Variants in FNDC7 observed in about 807,000 individuals in gnomAD.
FNDC7 encodes the protein fibronectin type III domain containing 7.
FNDC7 carries 66 observed loss-of-function variants against 74.2 expected under a neutral mutation model. That is an observed-to-expected ratio of 0.89 (90% CI 0.73 to 1.09). The LOEUF is 1.09. FNDC7 is among the 50% of genes least tolerant of loss of function. The pLI is 0.00. For synonymous variants in FNDC7, 307 were observed against 330.2 expected (o/e 0.93, Z 0.76); for missense variants, 829 against 893.4 (o/e 0.93, Z 0.92).
intron 11 of FNDC7, among the ~76,000 whole-genome samples, chr1:108,741,160 C>T (rs1163849808): frequency 6.6e-6 from 1 of 151,808 alleles, no homozygotes; most frequent in Non-Finnish European, 1.5e-5. Flanking sequence ...GGCTTTAATT[C>T]AAGAAAGCTA....
chr1:108,722,809 G>T (rs1661123592), intron 5 of FNDC7, among the ~76,000 whole-genome samples: 1 of 152,214 alleles, frequency 6.6e-6, no homozygotes, highest in Non-Finnish European at 1.5e-5. Context: ...AAAATTAGGA[G>T]GCCTGGTTTC....
intron 4 of FNDC7, among the ~76,000 whole-genome samples, chr1:108,721,191 C>T (rs571182422): frequency 1.2e-4 from 19 of 152,094 alleles, no homozygotes; most frequent in Non-Finnish European, 2.4e-4. Flanking sequence ...CCTTCCCGGC[C>T]GGGCACGGTA....
At chr1:108,732,780 CT>C (rs1259044997) in intron 9 of FNDC7, among the ~76,000 whole-genome samples, 2 of 144,984 alleles carry the variant, frequency 1.4e-5, no homozygotes, top group African/African-American at 2.6e-5. Flanking sequence ...CTTTTTCTTT[CT>C]TTTTTTTAGA....
At chr1:108,724,764 A>AAATT (rs763533434) in intron 5 of FNDC7, among the ~76,000 whole-genome samples, 20 of 150,764 alleles carry the variant, frequency 1.3e-4, no homozygotes, top group Admixed American at 2.6e-4. Context: ...CAAAAAAAAA[A>AAATT]AATTAATTAA....
chr1:108,739,074 G>C (rs1183170815), intron 11 of FNDC7, among the ~76,000 whole-genome samples: 1 of 151,694 alleles, frequency 6.6e-6, no homozygotes, highest in Non-Finnish European at 1.5e-5. Flanking sequence ...TATTGGCCTT[G>C]CCTATGATTT....
At chr1:108,714,245 GA>G (rs1416587928) in intron 2 of FNDC7, among the ~76,000 whole-genome samples, 9 of 152,082 alleles carry the variant, frequency 5.9e-5, no homozygotes, top group Admixed American at 4.6e-4. Flanking sequence ...ACATAAATTA[GA>G]AAAATTTTTA....
At chr1:108,726,854 C>A (rs970022259) in intron 6 of FNDC7, among the ~76,000 whole-genome samples, 1 of 152,042 alleles carries the variant, frequency 6.6e-6, no homozygotes, top group African/African-American at 2.4e-5. Context: ...TCATTGGTGC[C>A]TTTGGAATGT....
At chr1:108,725,063 C>T (rs907583831) in intron 5 of FNDC7, among the ~76,000 whole-genome samples, 8 of 151,270 alleles carry the variant, frequency 5.3e-5, no homozygotes, top group Non-Finnish European at 5.9e-5. Context: ...CCTGGGCAAC[C>T]GAGTGAGACT....
At chr1:108,729,316 G>A (rs1369172723) in intron 8 of FNDC7, among the ~76,000 whole-genome samples, 3 of 152,154 alleles carry the variant, frequency 2.0e-5, no homozygotes, top group African/African-American at 7.2e-5. Flanking sequence ...TTGGGAGGCC[G>A]AGGCGGGCAG....
chr1:108,740,376 G>A (rs1343625364), intron 11 of FNDC7, among the ~76,000 whole-genome samples: 1 of 130,588 alleles, frequency 7.7e-6, no homozygotes, highest in East Asian at 2.3e-4. Flanking sequence ...CATCCAGGCT[G>A]GAGTGCAGTG....
At chr1:108,733,765 C>T (rs771770266) in intron 10 of FNDC7, among the ~76,000 whole-genome samples, 1 of 151,570 alleles carries the variant, frequency 6.6e-6, no homozygotes, top group Non-Finnish European at 1.5e-5. Flanking sequence ...ATTCTCCTGC[C>T]TCAGCCTCCC....
At position 108,730,940 on chromosome 1, in the gene FNDC7, C is replaced by A; in HGVS notation, c.1879+12C>A. 1 of 1,599,834 alleles carries A rather than the reference C, an allele frequency of 6.3e-7. No individual in the cohort carries two copies. The highest frequency in any genetic ancestry group is 1.1e-5 in the South Asian group (1 of 87,520). ...AAGTTATTTCTCTGGTAAGTGAACTCTAGCTCTAGAGTAGCAGTAAGGACT... is the reference window on the plus strand; with the variant it reads ...AAGTTATTTCTCTGGTAAGTGAACTATAGCTCTAGAGTAGCAGTAAGGACT... On this transcript the variant is annotated intron_variant, in intron 9 of 12. Transcript: ENST00000370017.
Position 108,713,495 on chromosome 1 carries a change from A to G in FNDC7, c.64-16A>G. 1.3e-6 allele frequency: 2 copies of G among 1,549,766 alleles called. No individual in the cohort carries two copies. Among genetic ancestry groups the G allele is most frequent in the South Asian group, 2.4e-5 (2 of 83,414 alleles). ...TTTTTCTGTGTGGTTCTAATTTTCC[A>G]AACTTTCCTTTTCAGGTTGCTTCAG... On this transcript the variant is annotated splice_polypyrimidine_tract_variant and intron_variant, in intron 1 of 12. Coordinates refer to ENST00000370017, the MANE Select transcript of FNDC7 (RefSeq NM_001144937.3).
chr1:108,740,029 T>TAAAC (rs1661602245), intron 11 of FNDC7, among the ~76,000 whole-genome samples: 1 of 109,228 alleles, frequency 9.2e-6, no homozygotes, highest in Non-Finnish European at 1.8e-5. Flanking sequence ...GCCATCTCTC[T>TAAAC]AAAAAAAAAA....
At chr1:108,738,914 A>T (rs1661578331) in intron 11 of FNDC7, among the ~76,000 whole-genome samples, 1 of 152,180 alleles carries the variant, frequency 6.6e-6, no homozygotes, top group South Asian at 2.1e-4. Context: ...ATTATAAAAA[A>T]GTCTCCCAAA....
intron 8 of FNDC7, among the ~76,000 whole-genome samples, chr1:108,729,159 A>G (rs753094666): frequency 2.6e-5 from 4 of 152,232 alleles, no homozygotes; most frequent in Non-Finnish European, 5.9e-5. Flanking sequence ...ATATTCCCCT[A>G]TGATATAATC....
Position 108,733,427 on chromosome 1 carries a change from T to C in FNDC7, c.2035T>C (p.Cys679Arg). The change falls in exon 10 of 13, where the codon TGT becomes CGT. Residue 679 changes from cysteine to arginine, a missense_variant. Coordinates refer to ENST00000370017, the MANE Select transcript of FNDC7 (RefSeq NM_001144937.3). Reference protein sequence around the residue: ...TCTPSAGLSFCDVTEIPCGDV... With the variant: ...TCTPSAGLSFRDVTEIPCGDV... ...CACCCCGAGTGCTGGCCTCAGTTTC[T>C]GTGATGTCACTGAGATACCCTGTGG... The C allele has an allele frequency of 6.2e-7, 1 of 1,614,170 alleles. No homozygotes were observed. Among genetic ancestry groups the C allele is most frequent in the Non-Finnish European group, 8.5e-7 (1 of 1,180,038 alleles).
At chr1:108,731,493 G>A (rs1390568911) in intron 9 of FNDC7, among the ~76,000 whole-genome samples, 9 of 152,236 alleles carry the variant, frequency 5.9e-5, no homozygotes. Flanking sequence ...ATTCACTGAA[G>A]TGGCTGCTTG....
chr1:108,740,318 C>CTTTTT (rs567191029), intron 11 of FNDC7, among the ~76,000 whole-genome samples: 2 of 68,864 alleles, frequency 2.9e-5, no homozygotes, highest in Non-Finnish European at 2.6e-5. Context: ...GCTTTTCAAA[C>CTTTTT]TTTTTTTTTT....
Sources: allele counts gnomAD v4.1 joint callset (sites outside exome capture counted in the v4.1 genomes callset), GRCh38; gene constraint gnomAD v4.1.1; transcripts MANE v1.5; gene names NCBI Gene and HGNC (gene_info 2026-07-23, HGNC 2026-07-21).